The following TENM3 variants were observed in gnomAD, a reference collection of about 807,000 sequenced individuals.
The protein encoded by TENM3 is teneurin-3.
TENM3 carries 63 observed loss-of-function variants against 255.1 expected under a neutral mutation model. The observed-to-expected ratio is 0.25, with a 90% confidence interval of 0.20 to 0.30. The LOEUF (loss-of-function observed/expected upper bound fraction) is 0.30, where lower values mean the gene tolerates loss of function less well. Ranked by LOEUF, TENM3 falls within the 10% of genes least tolerant of loss-of-function variation. The pLI is 1.00. For missense variants in TENM3, 2,929 were observed against 3,461.1 expected, an observed-to-expected ratio of 0.85 and a Z score of 3.86; for synonymous variants, 1,306 against 1,322.3, an observed-to-expected ratio of 0.99 and a Z score of 0.27.
the TENM3 span, among the ~76,000 whole-genome samples, chr4:181,979,237 C>T: frequency 7.1e-6 from 1 of 139,946 alleles, no homozygotes; most frequent in African/African-American, 2.7e-5. Context: ...TTTTTTTCTT[C>T]GTATTTCTTA....
chr4:182,347,508 C>T (rs1277815354), intron 3 of TENM3, among the ~76,000 whole-genome samples: 2 of 152,060 alleles, frequency 1.3e-5, no homozygotes, highest in Non-Finnish European at 2.9e-5. Context: ...GGAGTGTGGC[C>T]TTTAATGTTC....
At chr4:181,995,065 G>A in the TENM3 span, among the ~76,000 whole-genome samples, 1 of 152,110 alleles carries the variant, frequency 6.6e-6, no homozygotes, top group African/African-American at 2.4e-5. Flanking sequence ...GAGGCGGGTA[G>A]ATCACTTGAG....
At chr4:181,528,552 C>T in the TENM3 span, among the ~76,000 whole-genome samples, 1 of 152,194 alleles carries the variant, frequency 6.6e-6, no homozygotes, top group Admixed American at 6.5e-5. Context: ...TGCCTTCTTA[C>T]TAGTGTCACA....
chr4:181,458,579 C>T, the TENM3 span, among the ~76,000 whole-genome samples: 1 of 151,892 alleles, frequency 6.6e-6, no homozygotes, highest in Non-Finnish European at 1.5e-5. Context: ...TTTGCATATT[C>T]TCTCTCTTCT....
chr4:181,539,574 G>T, the TENM3 span, among the ~76,000 whole-genome samples: 2 of 152,002 alleles, frequency 1.3e-5, no homozygotes, highest in Admixed American at 1.3e-4. Context: ...CATTTTTGTT[G>T]TCATTATTCA....
At chr4:181,558,780 T>G in the TENM3 span, among the ~76,000 whole-genome samples, 1 of 152,190 alleles carries the variant, frequency 6.6e-6, no homozygotes. Context: ...CAAAAGATAT[T>G]TGGGTTAATC....
At chr4:182,689,191 C>A (rs754547240) in intron 12 of TENM3, among the ~76,000 whole-genome samples, 190 of 152,246 alleles carry the variant, frequency 1.2e-3, no homozygotes, top group Non-Finnish European at 2.4e-3. Flanking sequence ...GTGGCACGGT[C>A]CTACCAAAAT....
chr4:181,767,954 T>A, the TENM3 span, among the ~76,000 whole-genome samples: 10 of 40,266 alleles, frequency 2.5e-4, no homozygotes, highest in African/African-American at 4.3e-4. Context: ...GTGTAACTGA[T>A]TGCAAAATTT....
intron 1 of TENM3, among the ~76,000 whole-genome samples, chr4:182,272,658 A>T (rs1378569793): frequency 2.6e-5 from 4 of 152,192 alleles, no homozygotes; most frequent in Admixed American, 2.6e-4. Flanking sequence ...TAATGATAAA[A>T]CTGAATATTA....
chr4:182,555,247 CTG>C (rs1356457685), intron 3 of TENM3, among the ~76,000 whole-genome samples: 3 of 151,920 alleles, frequency 2.0e-5, no homozygotes, highest in African/African-American at 7.3e-5. Flanking sequence ...ATAAATTTAA[CTG>C]TGTGTTGCCA....
At chr4:182,669,483 G>A (rs1265307067) in intron 6 of TENM3, among the ~76,000 whole-genome samples, 1 of 151,942 alleles carries the variant, frequency 6.6e-6, no homozygotes, top group African/African-American at 2.4e-5. Context: ...TGTTATCCAG[G>A]ATGGTCTCAA....
chr4:182,528,267 A>G (rs1440025994), intron 3 of TENM3, among the ~76,000 whole-genome samples: 11 of 151,982 alleles, frequency 7.2e-5, no homozygotes, highest in Admixed American at 7.2e-4. Flanking sequence ...ATAGACATGC[A>G]CCACCACGTC....
At chr4:181,951,179 T>C in the TENM3 span, among the ~76,000 whole-genome samples, 1 of 152,236 alleles carries the variant, frequency 6.6e-6, no homozygotes, top group African/African-American at 2.4e-5. Flanking sequence ...AAAAATATCT[T>C]TTGCACTCAA....
chr4:181,945,765 A>C, the TENM3 span, among the ~76,000 whole-genome samples: 1 of 152,176 alleles, frequency 6.6e-6, no homozygotes, highest in Admixed American at 6.5e-5. Context: ...TTTCCAGTAC[A>C]ACAAAACAGA....
chr4:181,583,830 A>T, the TENM3 span, among the ~76,000 whole-genome samples: 1 of 152,216 alleles, frequency 6.6e-6, no homozygotes. Context: ...TACCTCTAAG[A>T]TAGACTTAAT....
intron 16 of TENM3, among the ~76,000 whole-genome samples, chr4:182,732,393 A>G (rs1472843728): frequency 6.6e-6 from 1 of 152,240 alleles, no homozygotes; most frequent in Non-Finnish European, 1.5e-5. Context: ...GAAAATATTC[A>G]TTAATATAAC....
chr4:181,538,884 T>G, the TENM3 span, among the ~76,000 whole-genome samples: 1 of 152,220 alleles, frequency 6.6e-6, no homozygotes, highest in Non-Finnish European at 1.5e-5. Flanking sequence ...CAATAACAGG[T>G]GTAATCCAAT....
the TENM3 span, among the ~76,000 whole-genome samples, chr4:181,956,832 A>G: frequency 6.6e-6 from 1 of 152,354 alleles, no homozygotes; most frequent in South Asian, 2.1e-4. Context: ...TATCTGGACT[A>G]CATATGATTT....
chr4:182,292,707 C>G (rs1341803044), intron 1 of TENM3, among the ~76,000 whole-genome samples: 2 of 152,152 alleles, frequency 1.3e-5, no homozygotes, highest in Non-Finnish European at 2.9e-5. Context: ...AAATAGTACC[C>G]AGGGGATGCG....
Sources: allele counts gnomAD v4.1 joint callset (sites outside exome capture counted in the v4.1 genomes callset), GRCh38; gene constraint gnomAD v4.1.1; transcripts MANE v1.5; gene names NCBI Gene and HGNC (gene_info 2026-07-23, HGNC 2026-07-21).